The following NAV2 variants were observed in gnomAD, a reference collection of about 807,000 sequenced individuals.
NAV2 encodes neuron navigator 2, also known as helicase, APC down-regulated 1.
A neutral mutation model predicts 223.2 loss-of-function variants in NAV2; 54 were observed. The observed-to-expected ratio is 0.24, with a 90% CI of 0.19 to 0.30. The LOEUF (loss-of-function observed/expected upper bound fraction) is 0.30, where lower values mean the gene tolerates loss of function less well. Ranked by LOEUF, NAV2 falls within the 10% of genes least tolerant of loss-of-function variation. NAV2 has a pLI of 1.00. For synonymous variants in NAV2, 1,279 were observed against 1,239.3 expected, an observed-to-expected ratio of 1.03 and a Z score of -0.67; for missense variants, 2,806 against 3,147.5, an observed-to-expected ratio of 0.89 and a Z score of 2.60.
At chr11:19,346,445 G>GA (rs1853011637), upstream of NAV2, among the ~76,000 whole-genome samples, 1 of 152,214 alleles carries the variant, frequency 6.6e-6, no homozygotes. Context: ...CGGCGGGCTA[G>GA]GGCGCGGGCG....
chr11:19,979,182 G>A (rs757258031), intron 10 of NAV2: 9 of 152,240 alleles, frequency 5.9e-5, no homozygotes, highest in Admixed American at 5.2e-4. Flanking sequence ...AGGAAATGGT[G>A]TGTTCTGAAA....
intron 11 of NAV2, among the ~76,000 whole-genome samples, chr11:19,990,408 C>A (rs2051211506): frequency 6.6e-6 from 1 of 152,162 alleles, no homozygotes; most frequent in African/African-American, 2.4e-5. Flanking sequence ...TCTTGGCTAA[C>A]CACTACATGG....
chr11:19,845,329 G>A (rs929853169), intron 3 of NAV2, among the ~76,000 whole-genome samples: 2 of 152,196 alleles, frequency 1.3e-5, no homozygotes, highest in Non-Finnish European at 2.9e-5. Flanking sequence ...GCTAAATATT[G>A]CCTGTTTGGA....
intron 33 of NAV2, 76 bp downstream of exon 33, chr11:20,103,485 G>A: frequency 6.4e-7 from 1 of 1,556,524 alleles, no homozygotes; most frequent in Non-Finnish European, 8.8e-7. Context: ...GCACACAGGT[G>A]GCCCGGGGCC....
At chr11:19,459,967 G>A (rs1852096398) in intron 1 of NAV2, among the ~76,000 whole-genome samples, 1 of 152,200 alleles carries the variant, frequency 6.6e-6, no homozygotes, top group Non-Finnish European at 1.5e-5. Flanking sequence ...AGTGGATAAA[G>A]CAAGAAGTTT....
At chr11:19,697,443 TA>T (rs904897573) in intron 1 of NAV2, among the ~76,000 whole-genome samples, 4 of 148,916 alleles carry the variant, frequency 2.7e-5, no homozygotes, top group South Asian at 2.1e-4. Context: ...ATTTGAAATT[TA>T]AAAAAAAAGG....
chr11:19,836,058 G>A (rs144477931), intron 2 of NAV2, among the ~76,000 whole-genome samples: 2 of 152,266 alleles, frequency 1.3e-5, no homozygotes, highest in Non-Finnish European at 2.9e-5. Context: ...ATGCAGTGAT[G>A]TTCAGGAAAA....
intron 11 of NAV2, among the ~76,000 whole-genome samples, chr11:20,005,411 A>G (rs1308638487): frequency 1.3e-5 from 2 of 151,794 alleles, no homozygotes; most frequent in Non-Finnish European, 2.9e-5. Context: ...AAGCCCAGCT[A>G]ATTTTTATAT....
At chr11:19,847,147 T>C (rs935364656) in intron 3 of NAV2, among the ~76,000 whole-genome samples, 9 of 152,200 alleles carry the variant, frequency 5.9e-5, no homozygotes, top group Non-Finnish European at 1.3e-4. Context: ...AAACATTGCT[T>C]GGAGGTTAGC....
At chr11:19,763,723 C>A (rs2054966046) in intron 1 of NAV2, among the ~76,000 whole-genome samples, 1 of 152,130 alleles carries the variant, frequency 6.6e-6, no homozygotes, top group South Asian at 2.1e-4. Flanking sequence ...AAAGAGGTAA[C>A]ATTCACAGAC....
At chr11:19,492,253 T>G (rs2042654362) in intron 1 of NAV2, among the ~76,000 whole-genome samples, 1 of 151,782 alleles carries the variant, frequency 6.6e-6, no homozygotes, top group Admixed American at 6.6e-5. Context: ...TTGCTAGACA[T>G]AGGGTTGCCA....
chr11:19,484,881 C>T (rs1405464439), intron 1 of NAV2, among the ~76,000 whole-genome samples: 1 of 152,214 alleles, frequency 6.6e-6, no homozygotes, highest in Non-Finnish European at 1.5e-5. Flanking sequence ...CCAGCCAGCA[C>T]CCATCCAGAC....
chr11:19,931,892 G>A (rs1057349351), intron 6 of NAV2: 12 of 152,388 alleles, frequency 7.9e-5, no homozygotes, highest in Admixed American at 7.2e-4. Flanking sequence ...GGTGTGGGTG[G>A]GTGCGGGCAC....
At chr11:20,068,769 A>G (rs1411443952) in intron 22 of NAV2, among the ~76,000 whole-genome samples, 1 of 152,216 alleles carries the variant, frequency 6.6e-6, no homozygotes, top group African/African-American at 2.4e-5. Context: ...AGAAGGGGGA[A>G]GAAAAGAAAT....
At chr11:19,874,367 G>A (rs1216070752) in intron 4 of NAV2, among the ~76,000 whole-genome samples, 2 of 152,208 alleles carry the variant, frequency 1.3e-5, no homozygotes, top group African/African-American at 4.8e-5. Flanking sequence ...CAGGGCTCCA[G>A]GTTGGGTTTA....
chr11:20,110,819 G>A (rs529388200), intron 36 of NAV2, among the ~76,000 whole-genome samples: 2 of 152,148 alleles, frequency 1.3e-5, no homozygotes, highest in Admixed American at 6.5e-5. Flanking sequence ...CACCTAACCC[G>A]GGTAAGTGGC....
In NAV2 at chr11:19,998,495, G is replaced by A. The variant is rs940083843; in HGVS notation, c.2768+14248G>A. 1.3e-5 allele frequency among the ~76,000 whole-genome samples: 2 copies of A among 151,980 alleles called. No individual in the cohort carries two copies. Among genetic ancestry groups the A allele is most frequent in the Admixed American group, 1.3e-4 (2 of 15,254 alleles). Reference sequence around the variant, plus strand: ...TGCCCTTGCCTGAAACCCTCCCTTAGTGCCTTTCCATTGCACCTAGAATAA... The same window carrying A: ...TGCCCTTGCCTGAAACCCTCCCTTAATGCCTTTCCATTGCACCTAGAATAA... On this transcript the variant is annotated intron_variant, in intron 11 of 37. Coordinates refer to ENST00000349880, the MANE Select transcript of NAV2 (RefSeq NM_145117.5). The surrounding 1 kb of genome is among the most constrained non-coding windows in gnomAD (Gnocchi z 5.0).
chr11:19,859,164 A>ATTTTTTTTTTTTTTTTTTTTTTT (rs2061548963), intron 3 of NAV2, among the ~76,000 whole-genome samples: 1 of 68,722 alleles, frequency 1.5e-5, no homozygotes, highest in African/African-American at 5.6e-5. Context: ...TTTTTTATTG[A>ATTTTTTTTTTTTTTTTTTTTTTT]TCATTCTTGG....
chr11:19,671,276 G>A (rs2048565128), intron 1 of NAV2, among the ~76,000 whole-genome samples: 1 of 152,206 alleles, frequency 6.6e-6, no homozygotes, highest in Admixed American at 6.5e-5. Context: ...AAGCACACAA[G>A]CACACAGTAT....
Sources: allele counts gnomAD v4.1 joint callset (sites outside exome capture counted in the v4.1 genomes callset), GRCh38; gene constraint gnomAD v4.1.1; non-coding constraint Gnocchi (gnomAD v3.1); transcripts MANE v1.5; gene names NCBI Gene and HGNC (gene_info 2026-07-23, HGNC 2026-07-21).